The following SPIDR variants were observed in gnomAD, a reference collection of about 807,000 sequenced individuals.
SPIDR encodes the protein scaffold protein involved in DNA repair.
In SPIDR, 93 loss-of-function variants were observed where a neutral mutation model predicts 104.6. The ratio of observed to expected loss-of-function variants is 0.89; its 90% CI spans 0.75 to 1.06. The LOEUF (loss-of-function observed/expected upper bound fraction) is 1.06. Among genes scored for constraint, SPIDR ranks in the 50% least tolerant of loss-of-function variants. The pLI, the probability that SPIDR is intolerant of heterozygous loss-of-function variation, is 0.00. For missense variants in SPIDR, 1,154 were observed against 1,111.2 expected (o/e 1.04, Z -0.55); for synonymous variants, 431 against 416.9 (o/e 1.03, Z -0.41).
chr8:47,407,176 T>G (rs1476220661), intron 6 of SPIDR, among the ~76,000 whole-genome samples: 5 of 152,236 alleles, frequency 3.3e-5, no homozygotes, highest in African/African-American at 1.2e-4. Context: ...ATTGATAGGT[T>G]AATGCTCTTC....
At chr8:47,262,696 T>A (rs1459938797) in intron 1 of SPIDR, among the ~76,000 whole-genome samples, 1 of 152,202 alleles carries the variant, frequency 6.6e-6, no homozygotes, top group East Asian at 1.9e-4. Context: ...ATTCATTACA[T>A]GGACCAACCC....
At chr8:47,345,068 T>A (rs1432513354) in intron 5 of SPIDR, among the ~76,000 whole-genome samples, 1 of 152,134 alleles carries the variant, frequency 6.6e-6, no homozygotes, top group Non-Finnish European at 1.5e-5. Flanking sequence ...ATTGCCTAGG[T>A]TTTCTTCTAG....
chr8:47,562,962 A>C (rs370767122), intron 8 of SPIDR, among the ~76,000 whole-genome samples: 1 of 151,960 alleles, frequency 6.6e-6, no homozygotes, highest in Non-Finnish European at 1.5e-5. Flanking sequence ...GATGTATGAC[A>C]ATTTTTTTTG....
intron 8 of SPIDR, among the ~76,000 whole-genome samples, chr8:47,446,770 A>G (rs1478787409): frequency 6.6e-6 from 1 of 152,052 alleles, no homozygotes; most frequent in Non-Finnish European, 1.5e-5. Context: ...TATTTTTAGT[A>G]GAGACAGGGT....
intron 11 of SPIDR, among the ~76,000 whole-genome samples, chr8:47,674,991 T>G (rs891363897): frequency 1.3e-5 from 2 of 152,106 alleles, no homozygotes; most frequent in African/African-American, 2.4e-5. Context: ...CTGTGTTTTG[T>G]TTTGGTTTGG....
chr8:47,415,561 A>G (rs1227286848), intron 7 of SPIDR, among the ~76,000 whole-genome samples: 1 of 152,172 alleles, frequency 6.6e-6, no homozygotes, highest in African/African-American at 2.4e-5. Flanking sequence ...TGATTAGGTC[A>G]TGAGGTGGAG....
intron 5 of SPIDR, among the ~76,000 whole-genome samples, chr8:47,294,684 G>A (rs1337576125): frequency 7.9e-5 from 12 of 152,134 alleles, no homozygotes; most frequent in South Asian, 4.1e-4. Context: ...AGGCTAGAAC[G>A]CAATGGTGCG....
intron 5 of SPIDR, among the ~76,000 whole-genome samples, chr8:47,322,586 G>A (rs1216833695): frequency 6.6e-6 from 1 of 152,132 alleles, no homozygotes; most frequent in African/African-American, 2.4e-5. Context: ...TCCCATTACT[G>A]GGTATATACC....
intron 8 of SPIDR, among the ~76,000 whole-genome samples, chr8:47,487,127 A>G (rs557849473): frequency 6.6e-6 from 1 of 152,350 alleles, no homozygotes; most frequent in South Asian, 2.1e-4. Context: ...AGAGACACAC[A>G]TAGGCTCAAA....
intron 14 of SPIDR, among the ~76,000 whole-genome samples, chr8:47,711,194 C>A (rs540584858): frequency 6.6e-6 from 1 of 152,106 alleles, no homozygotes; most frequent in East Asian, 1.9e-4. Context: ...GACACATGCC[C>A]GTCATTCTTT....
At chr8:47,336,227 A>G (rs1375529235) in intron 5 of SPIDR, among the ~76,000 whole-genome samples, 1 of 152,054 alleles carries the variant, frequency 6.6e-6, no homozygotes, top group Non-Finnish European at 1.5e-5. Context: ...CACTTGTTTT[A>G]TGTTTGGTGT....
At chr8:47,614,583 T>C (rs1480967873) in intron 10 of SPIDR, among the ~76,000 whole-genome samples, 2 of 152,252 alleles carry the variant, frequency 1.3e-5, no homozygotes, top group Non-Finnish European at 2.9e-5. Flanking sequence ...ATTTGCTTTA[T>C]CCAGTCTATC....
chr8:47,284,099 C>T lies in SPIDR; in HGVS notation c.256+5C>T. 6.2e-7 allele frequency: 1 copy of T among 1,603,920 alleles called. No homozygotes were observed. On this transcript the variant is annotated splice_donor_5th_base_variant and intron_variant, in intron 3 of 19. Transcript: ENST00000297423. ...TATGCCCTAGACCCAAGCAAGGTAA[C>T]TATTTTGTTGATTTCTTGACAGAGA...
chr8:47,490,655 A>G (rs1475116192), intron 8 of SPIDR, among the ~76,000 whole-genome samples: 2 of 152,248 alleles, frequency 1.3e-5, no homozygotes, highest in African/African-American at 4.8e-5. Context: ...ACCATGGAAT[A>G]CTATGTAGCC....
chr8:47,320,421 A>G (rs2154261466), intron 5 of SPIDR, among the ~76,000 whole-genome samples: 1 of 152,346 alleles, frequency 6.6e-6, no homozygotes, highest in East Asian at 1.9e-4. Context: ...CTCTGAACGG[A>G]CCAATAACAG....
At chr8:47,582,886 T>C (rs2059868719) in intron 8 of SPIDR, among the ~76,000 whole-genome samples, 1 of 149,280 alleles carries the variant, frequency 6.7e-6, no homozygotes, top group African/African-American at 2.5e-5. Flanking sequence ...TTAAAAGCTT[T>C]CCACCAGACA....
chr8:47,447,485 A>G (rs1419976670), intron 8 of SPIDR, among the ~76,000 whole-genome samples: 2 of 152,222 alleles, frequency 1.3e-5, no homozygotes, highest in African/African-American at 4.8e-5. Context: ...AAGTGCTGGG[A>G]CTACAGGCGT....
chr8:47,489,843 C>A (rs1023450689), intron 8 of SPIDR, among the ~76,000 whole-genome samples: 44 of 152,030 alleles, frequency 2.9e-4, no homozygotes, highest in South Asian at 1.2e-3. Flanking sequence ...CCTTATACAC[C>A]AATTAATTCA....
chr8:47,487,643 A>C (rs146734166), intron 8 of SPIDR, among the ~76,000 whole-genome samples: 1 of 152,350 alleles, frequency 6.6e-6, no homozygotes, highest in African/African-American at 2.4e-5. Context: ...AACAGAAATT[A>C]TAACAAACTG....
Sources: gnomAD v4.1 joint callset for allele counts (sites outside exome capture counted in the v4.1 genomes callset) on GRCh38, gnomAD v4.1.1 for gene constraint, MANE v1.5 for transcripts, NCBI Gene and HGNC (gene_info 2026-07-23, HGNC 2026-07-21) for gene names.